Variants in MBD5 observed in about 807,000 individuals in gnomAD.
MBD5 encodes methyl-CpG binding domain protein 5.
Under a neutral mutation model 117.3 loss-of-function variants are expected in MBD5, and 13 were observed. That is an observed-to-expected ratio of 0.11 (90% CI 0.07 to 0.18). The LOEUF (loss-of-function observed/expected upper bound fraction) is 0.18. Ranked by LOEUF, MBD5 falls within the 10% of genes least tolerant of loss-of-function variation. The pLI is 1.00. For synonymous variants in MBD5, 727 were observed against 766.4 expected, an observed-to-expected ratio of 0.95 and a Z score of 0.85; for missense variants, 1,879 against 2,093.8, an observed-to-expected ratio of 0.90 and a Z score of 2.00.
At chr2:148,254,149 G>A (rs1016320138) in intron 3 of MBD5, among the ~76,000 whole-genome samples, 3 of 152,186 alleles carry the variant, frequency 2.0e-5, no homozygotes, top group African/African-American at 7.2e-5. Context: ...CCAGAGCCTA[G>A]GGATGCCCAC....
intron 4 of MBD5, among the ~76,000 whole-genome samples, chr2:148,356,236 A>T (rs1048725216): frequency 6.6e-6 from 1 of 152,090 alleles, no homozygotes; most frequent in Admixed American, 6.5e-5. Flanking sequence ...ATGACAATTT[A>T]ATCCCTCTTT....
At chr2:148,494,358 C>G (rs1681627846) in intron 11 of MBD5, among the ~76,000 whole-genome samples, 1 of 152,120 alleles carries the variant, frequency 6.6e-6, no homozygotes, top group African/African-American at 2.4e-5. Flanking sequence ...CACTTGAAAG[C>G]GTTTTAAAGC....
At chr2:148,177,106 AT>A (rs1214090615) in intron 1 of MBD5, among the ~76,000 whole-genome samples, 1 of 152,166 alleles carries the variant, frequency 6.6e-6, no homozygotes, top group African/African-American at 2.4e-5. Flanking sequence ...CTGAAGTCCT[AT>A]TTACTATATG....
chr2:148,405,252 T>C (rs1339885725), intron 4 of MBD5, among the ~76,000 whole-genome samples: 1 of 152,196 alleles, frequency 6.6e-6, no homozygotes, highest in African/African-American at 2.4e-5. Context: ...AACACATAAA[T>C]AAAATTATTT....
intron 3 of MBD5, among the ~76,000 whole-genome samples, chr2:148,302,968 A>T (rs1303967660): frequency 1.3e-5 from 2 of 148,936 alleles, no homozygotes; most frequent in African/African-American, 4.9e-5. Context: ...ATTATATGTT[A>T]TACATTATTA....
intron 2 of MBD5, among the ~76,000 whole-genome samples, chr2:148,215,441 T>C (rs1023716090): frequency 6.6e-5 from 10 of 152,238 alleles, no homozygotes; most frequent in African/African-American, 2.4e-4. Flanking sequence ...TCAGTTTTAC[T>C]GATATATAAT....
intron 4 of MBD5, among the ~76,000 whole-genome samples, chr2:148,365,866 G>GT: frequency 6.6e-6 from 1 of 151,714 alleles, no homozygotes; most frequent in African/African-American, 2.4e-5. Flanking sequence ...CCCCAGACCA[G>GT]ATGGATGCCC....
Position 148,043,315 on chromosome 2 carries a change from TGG to T in MBD5, c.-925+21632_-925+21633del, listed in dbSNP as rs1215261108. Among the ~76,000 whole-genome samples, 9 of 151,198 alleles carry T rather than the reference TGG, an allele frequency of 6.0e-5. No individual in the cohort carries two copies. The East Asian group carries it at 1.7e-3, about 29-fold the overall frequency. Reference sequence around the variant, plus strand: ...AATAAATAAATAAATTAGCCGGGCATGGTAACGGGCACCTGTAATCCCAGCTA... The same window carrying T: ...AATAAATAAATAAATTAGCCGGGCATTAACGGGCACCTGTAATCCCAGCTA... On this transcript the variant is annotated intron_variant, in intron 1 of 13. Transcript: ENST00000642680.
chr2:148,260,138 T>G (rs555228211), intron 3 of MBD5, among the ~76,000 whole-genome samples: 2 of 152,344 alleles, frequency 1.3e-5, no homozygotes, highest in East Asian at 3.9e-4. Flanking sequence ...TAGCATAAAA[T>G]GCAGTTTGAT....
intron 3 of MBD5, among the ~76,000 whole-genome samples, chr2:148,280,414 T>A (rs1468741666): frequency 6.6e-6 from 1 of 152,082 alleles, no homozygotes; most frequent in Non-Finnish European, 1.5e-5. Context: ...CAATGTTCAG[T>A]TTTCTTTTTT....
At chr2:148,059,565 AGGCCGGGCGCGGT>A (rs1694969440) in intron 1 of MBD5, among the ~76,000 whole-genome samples, 1 of 152,068 alleles carries the variant, frequency 6.6e-6, no homozygotes, top group South Asian at 2.1e-4. Flanking sequence ...ATGTCGAAGG[AGGCCGGGCGCGGT>A]GGTTCATGCC....
chr2:148,231,755 G>A (rs2106143836), intron 2 of MBD5, among the ~76,000 whole-genome samples: 1 of 152,276 alleles, frequency 6.6e-6, no homozygotes, highest in African/African-American at 2.4e-5. Context: ...AGAAGGGTAG[G>A]AGATGTTGCA....
intron 3 of MBD5, among the ~76,000 whole-genome samples, chr2:148,277,444 G>T (rs560580609): frequency 2.6e-5 from 4 of 152,088 alleles, no homozygotes; most frequent in African/African-American, 7.2e-5. Flanking sequence ...TGTATAAATT[G>T]TTCAGTTCAT....
At chr2:148,127,810 C>T (rs765939567) in intron 1 of MBD5, among the ~76,000 whole-genome samples, 3 of 152,192 alleles carry the variant, frequency 2.0e-5, no homozygotes, top group Non-Finnish European at 2.9e-5. Flanking sequence ...ATCACCCACA[C>T]TGTCTTTCAC....
chr2:148,157,851 G>A (rs930153304), intron 1 of MBD5, among the ~76,000 whole-genome samples: 1 of 152,048 alleles, frequency 6.6e-6, no homozygotes, highest in African/African-American at 2.4e-5. Flanking sequence ...TATTCCAGAG[G>A]ACAGTTTAAC....
At chr2:148,464,814 A>AAG (rs1707207695) in intron 7 of MBD5, among the ~76,000 whole-genome samples, 1 of 150,772 alleles carries the variant, frequency 6.6e-6, no homozygotes, top group Non-Finnish European at 1.5e-5. Flanking sequence ...AAAAAAAAAA[A>AAG]AAAACTAGCC....
chr2:148,257,790 G>A (rs184051073), intron 3 of MBD5, among the ~76,000 whole-genome samples: 67 of 152,280 alleles, frequency 4.4e-4, no homozygotes, highest in African/African-American at 1.3e-3. Flanking sequence ...ATGTGAAGGC[G>A]AACTGTTCCT....
intron 12 of MBD5, among the ~76,000 whole-genome samples, chr2:148,509,682 G>C (rs1682156570): frequency 6.6e-6 from 1 of 152,190 alleles, no homozygotes; most frequent in Non-Finnish European, 1.5e-5. Flanking sequence ...CACACAGTCA[G>C]GCTGACTGAG....
chr2:148,211,684 A>G (rs1303996455), intron 2 of MBD5, among the ~76,000 whole-genome samples: 1 of 152,218 alleles, frequency 6.6e-6, no homozygotes, highest in East Asian at 1.9e-4. Flanking sequence ...ACATCCCTAC[A>G]ATAACTCATC....
Sources: gnomAD v4.1 joint callset for allele counts (sites outside exome capture counted in the v4.1 genomes callset) on GRCh38, gnomAD v4.1.1 for gene constraint, MANE v1.5 for transcripts, NCBI Gene and HGNC (gene_info 2026-07-23, HGNC 2026-07-21) for gene names.